The following ZNF717 variants were observed in gnomAD, a reference collection of about 807,000 sequenced individuals.
ZNF717 encodes krueppel-like factor X17.
A neutral mutation model predicts 13.8 loss-of-function variants in ZNF717; 9 were observed. That is an observed-to-expected ratio of 0.65 (90% confidence interval 0.39 to 1.14). ZNF717 has a LOEUF of 1.14. Among genes scored for constraint, ZNF717 ranks in the 50% most tolerant of loss-of-function variants. ZNF717 has a pLI of 0.01. For missense variants in ZNF717, 1,040 were observed against 1,080.7 expected (o/e 0.96, Z 0.53); for synonymous variants, 327 against 364.1 (o/e 0.90, Z 1.16).
At chr3:75,750,163 G>A (rs1319611353) in intron 2 of ZNF717, among the ~76,000 whole-genome samples, 1 of 149,820 alleles carries the variant, frequency 6.7e-6, no homozygotes, top group East Asian at 2.0e-4. Flanking sequence ...GGGTCTGAAT[G>A]TTTGTCCCTC....
intron 2 of ZNF717, among the ~76,000 whole-genome samples, chr3:75,782,278 T>G (rs1944878362): frequency 6.6e-6 from 1 of 152,170 alleles, no homozygotes; most frequent in Non-Finnish European, 1.5e-5. Context: ...AAAATATAAC[T>G]TTGAACAGGC....
At chr3:75,699,224 G>T (rs1357035311) in intron 6 of ZNF717, among the ~76,000 whole-genome samples, 2 of 152,404 alleles carry the variant, frequency 1.3e-5, no homozygotes, top group East Asian at 3.9e-4. Context: ...AACTAGCTTT[G>T]TCTTAGATGA....
downstream of ZNF717, among the ~76,000 whole-genome samples, chr3:75,709,228 G>C (rs1490901346): frequency 3.3e-5 from 5 of 152,000 alleles, no homozygotes; most frequent in Non-Finnish European, 7.4e-5. Context: ...TCAAACTCCT[G>C]ATCTCTAGTA....
chr3:75,740,449 G>A (rs1197852490), intron 4 of ZNF717, among the ~76,000 whole-genome samples: 1 of 151,960 alleles, frequency 6.6e-6, no homozygotes, highest in Non-Finnish European at 1.5e-5. Context: ...ACTGAGGCTG[G>A]AGTGCAGTGT....
At chr3:75,754,895 T>C (rs1942336463) in intron 2 of ZNF717, among the ~76,000 whole-genome samples, 1 of 151,028 alleles carries the variant, frequency 6.6e-6, no homozygotes, top group Non-Finnish European at 1.5e-5. Context: ...ACATAAAATT[T>C]TCAAACTATA....
chr3:75,734,772 G>C (rs1195621483), downstream of ZNF717, among the ~76,000 whole-genome samples: 1 of 135,602 alleles, frequency 7.4e-6, no homozygotes, highest in African/African-American at 2.8e-5. Context: ...ATAACAGTTT[G>C]TATATAATAA....
chr3:75,773,661 T>G (rs1369283777), intron 2 of ZNF717, among the ~76,000 whole-genome samples: 1 of 152,216 alleles, frequency 6.6e-6, no homozygotes, highest in Non-Finnish European at 1.5e-5. Context: ...CTGAGTGGAT[T>G]CTTCCTGTGG....
intron 6 of ZNF717, among the ~76,000 whole-genome samples, chr3:75,703,310 C>A (rs113205886): frequency 1.5e-3 from 229 of 152,196 alleles, no homozygotes; most frequent in Non-Finnish European, 2.3e-3. Flanking sequence ...GTGGGCAGAT[C>A]GCTTGTTTTC....
intron 2 of ZNF717, among the ~76,000 whole-genome samples, chr3:75,759,316 C>T (rs1318847206): frequency 1.3e-5 from 2 of 148,972 alleles, no homozygotes; most frequent in African/African-American, 5.0e-5. Flanking sequence ...TGCTCTGTTG[C>T]CCAGGCCATA....
chr3:75,694,937 C>T (rs1575755850), intron 6 of ZNF717, among the ~76,000 whole-genome samples: 1 of 151,404 alleles, frequency 6.6e-6, no homozygotes, highest in Admixed American at 6.6e-5. Flanking sequence ...GAAGGGAGGA[C>T]AAAAATCAAT....
intron 2 of ZNF717, among the ~76,000 whole-genome samples, chr3:75,774,559 G>A (rs1944156059): frequency 6.8e-6 from 1 of 147,164 alleles, no homozygotes; most frequent in Non-Finnish European, 1.5e-5. Context: ...TATATTTAGT[G>A]TATGTCATCA....
At chr3:75,699,791 G>C (rs1937649217) in intron 6 of ZNF717, among the ~76,000 whole-genome samples, 2 of 152,404 alleles carry the variant, frequency 1.3e-5, no homozygotes, top group African/African-American at 4.8e-5. Flanking sequence ...GTAATAACTT[G>C]AGTAAATTTG....
At chr3:75,761,736 A>C (rs2107556561) in intron 2 of ZNF717, among the ~76,000 whole-genome samples, 1 of 152,362 alleles carries the variant, frequency 6.6e-6, no homozygotes, top group East Asian at 1.9e-4. Flanking sequence ...ACAATCTGCA[A>C]ATAAAATTTT....
chr3:75,759,278 A>ATT (rs57052931), intron 2 of ZNF717, among the ~76,000 whole-genome samples: 71 of 121,690 alleles, frequency 5.8e-4, no homozygotes, highest in African/African-American at 8.0e-4. Context: ...TGGTCATCTA[A>ATT]TTTTTTTTTT....
chr3:75,783,314 T>C lies in ZNF717; in HGVS notation c.49A>G (p.Lys17Glu). The C allele has an allele frequency of 6.4e-7, 1 of 1,550,786 alleles. No individual in the cohort carries two copies. The highest frequency in any genetic ancestry group is 2.0e-5 in the Admixed American group (1 of 50,996). Residue 17 changes from lysine to glutamate, a missense_variant, in exon 2 of 5, where the codon AAA becomes GAA. Lys to Glu is a moderately conservative substitution (Grantham distance 56). Transcript: ENST00000652011. ...ACAAATAAACAACTCACCAGAGATT[T>C]ATTCTTTTCTTGTAGCTCTTGGAAA... ...GCFQELQEKN[K>E]SLELVSFEEV...
At chr3:75,728,386 G>T (rs61366136), downstream of ZNF717, among the ~76,000 whole-genome samples, 11,893 of 152,094 alleles carry the variant, frequency 0.078, 605 homozygotes, top group African/African-American at 0.16. Flanking sequence ...GATTATGAGG[G>T]TTCCAAATTT....
Position 75,774,707 on chromosome 3 carries a change from G to A in ZNF717, c.57+8599C>T, listed in dbSNP as rs113263052. ...GCGATCTCGGCTCACTGCAAGCTCC[G>A]CCTCCCGGGTTCACACCATTTTCCT... On this transcript the variant is annotated intron_variant, in intron 2 of 4. Transcript: ENST00000652011. Among the ~76,000 whole-genome samples the A allele has an allele frequency of 1.1e-4, 11 of 96,902 alleles. No individual in the cohort carries two copies. In the East Asian group the frequency reaches 2.3e-3, roughly 21 times the overall value. The allele number at this position is 96,902 out of a possible 152,430, so 63.6% of individuals were successfully genotyped here.
intron 2 of ZNF717, among the ~76,000 whole-genome samples, chr3:75,772,010 C>G (rs1167530417): frequency 6.6e-6 from 1 of 152,266 alleles, no homozygotes; most frequent in African/African-American, 2.4e-5. Context: ...ACCTCGCCCC[C>G]CTCCAGACTT....
intron 6 of ZNF717, among the ~76,000 whole-genome samples, chr3:75,700,637 A>G (rs111888396): frequency 1.9e-4 from 29 of 151,418 alleles, no homozygotes; most frequent in Admixed American, 4.0e-4. Flanking sequence ...AAACTCATAC[A>G]GCTAAACTGA....
Sources: gnomAD v4.1 joint callset for allele counts (sites outside exome capture counted in the v4.1 genomes callset) on GRCh38, gnomAD v4.1.1 for gene constraint, MANE v1.5 for transcripts, NCBI Gene and HGNC (gene_info 2026-07-23, HGNC 2026-07-21) for gene names.